Variants in NFIB observed in about 807,000 individuals in gnomAD.
The protein encoded by NFIB is nuclear factor I B, also known as nuclear factor 1 B-type.
A neutral mutation model predicts 61.5 loss-of-function variants in NFIB; 11 were observed. The observed-to-expected ratio is 0.18, with a 90% CI of 0.11 to 0.30. The LOEUF is 0.30. Ranked by LOEUF, NFIB falls within the 10% of genes least tolerant of loss-of-function variation. The pLI is 1.00. For missense variants in NFIB, 471 were observed against 608.9 expected (o/e 0.77, Z 2.38); for synonymous variants, 260 against 216.5 (o/e 1.20, Z -1.76).
intron 2 of NFIB, among the ~76,000 whole-genome samples, chr9:14,196,994 A>G (rs1400667813): frequency 1.3e-5 from 2 of 152,242 alleles, no homozygotes; most frequent in Non-Finnish European, 2.9e-5. Context: ...CATTTCATAT[A>G]CATTGGTACA....
intron 2 of NFIB, among the ~76,000 whole-genome samples, chr9:14,250,426 T>G (rs899953929): frequency 6.6e-6 from 1 of 152,178 alleles, no homozygotes; most frequent in South Asian, 2.1e-4. Context: ...AAGCCTTAGC[T>G]CAAAAGGAAG....
intron 3 of NFIB, among the ~76,000 whole-genome samples, chr9:14,165,369 C>A (rs1731676630): frequency 6.6e-6 from 1 of 152,052 alleles, no homozygotes. Flanking sequence ...ATCAAGCACA[C>A]AAGTAAATGT....
At chr9:14,347,186 A>C (rs1337853279) in intron 1 of NFIB, 3 of 152,006 alleles carry the variant, frequency 2.0e-5, no homozygotes, top group African/African-American at 7.2e-5. Flanking sequence ...AAGAGAAATA[A>C]ATTTGAACAA....
the NFIB span, among the ~76,000 whole-genome samples, chr9:14,410,780 G>A: frequency 6.6e-6 from 1 of 152,162 alleles, no homozygotes; most frequent in Non-Finnish European, 1.5e-5. Context: ...TGTGCTCTGG[G>A]GTCTACAGTG....
intron 3 of NFIB, among the ~76,000 whole-genome samples, chr9:14,160,831 C>CAAAAAAAAAAAAAAAAAAA (rs36063048): frequency 1.8e-4 from 17 of 96,288 alleles, no homozygotes; most frequent in South Asian, 4.2e-4. Flanking sequence ...AAGGAAATCT[C>CAAAAAAAAAAAAAAAAAAA]AAAAAAAAAA....
chr9:14,439,582 C>T, the NFIB span, among the ~76,000 whole-genome samples: 1 of 152,176 alleles, frequency 6.6e-6, no homozygotes, highest in Non-Finnish European at 1.5e-5. Context: ...TGGGAGTGAG[C>T]TTCCCTGAGC....
intron 1 of NFIB, among the ~76,000 whole-genome samples, chr9:14,346,288 A>ACTC (rs1455937583): frequency 1.4e-5 from 1 of 71,952 alleles, no homozygotes; most frequent in African/African-American, 3.5e-5. Context: ...GAGGTAACCG[A>ACTC]CACCCCCCCC....
chr9:14,305,944 G>A, intron 2 of NFIB: 2 of 1,315,690 alleles, frequency 1.5e-6, no homozygotes, highest in Non-Finnish European at 2.0e-6. Context: ...TAAAATGATT[G>A]TTTTACTATG....
At chr9:14,433,699 C>T in the NFIB span, among the ~76,000 whole-genome samples, 2 of 152,222 alleles carry the variant, frequency 1.3e-5, no homozygotes, top group East Asian at 1.9e-4. Flanking sequence ...ATGCCCACTA[C>T]ACTCCAGTTT....
chr9:14,479,121 G>C, the NFIB span, among the ~76,000 whole-genome samples: 4 of 152,154 alleles, frequency 2.6e-5, no homozygotes, highest in African/African-American at 9.7e-5. Context: ...AAACTAAATA[G>C]AGATCCCAGG....
intron 6 of NFIB, among the ~76,000 whole-genome samples, chr9:14,140,094 G>C (rs562692608): frequency 1.3e-5 from 2 of 152,138 alleles, no homozygotes; most frequent in African/African-American, 2.4e-5. Context: ...TCAAAACTTT[G>C]GTATTTGAAT....
chr9:14,301,098 C>T lies in NFIB; in HGVS notation c.562+5891G>A, dbSNP rs564598737. ...ATGTTTGGAAGTGCTTCTTAGGTACCACCTTAGAAAACAGTAACTTTAAAG... is the reference window on the plus strand; with the variant it reads ...ATGTTTGGAAGTGCTTCTTAGGTACTACCTTAGAAAACAGTAACTTTAAAG... On this transcript the variant is annotated intron_variant, in intron 2 of 10. Coordinates refer to ENST00000380953, the MANE Select transcript of NFIB (RefSeq NM_001190737.2). Among the ~76,000 whole-genome samples, 4 of 152,182 alleles carry T rather than the reference C, an allele frequency of 2.6e-5. No homozygotes were observed. In the East Asian group the frequency reaches 7.7e-4, roughly 29 times the overall value.
intron 1 of NFIB, among the ~76,000 whole-genome samples, chr9:14,370,910 C>T (rs981327639): frequency 3.3e-5 from 5 of 152,110 alleles, no homozygotes; most frequent in Admixed American, 6.5e-5. Context: ...GCCTGGCCAA[C>T]GTGGCGAAAC....
intron 10 of NFIB, among the ~76,000 whole-genome samples, chr9:14,105,005 AG>A (rs2036344048): frequency 6.6e-6 from 1 of 152,194 alleles, no homozygotes; most frequent in African/African-American, 2.4e-5. Context: ...ATTGTCCCAC[AG>A]ACAACTGTAG....
chr9:14,424,977 T>TC, the NFIB span, among the ~76,000 whole-genome samples: 6 of 151,606 alleles, frequency 4.0e-5, no homozygotes, highest in Admixed American at 6.6e-5. Flanking sequence ...TGTTCCAATC[T>TC]CCCCCCCTGG....
the NFIB span, among the ~76,000 whole-genome samples, chr9:14,411,089 T>C: frequency 6.6e-6 from 1 of 152,198 alleles, no homozygotes; most frequent in Admixed American, 6.5e-5. Context: ...TGTGTTTCCA[T>C]TTTGACATAG....
the NFIB span, among the ~76,000 whole-genome samples, chr9:14,513,636 A>AG: frequency 7.0e-6 from 1 of 143,682 alleles, no homozygotes; most frequent in South Asian, 2.2e-4. Context: ...TCAAAAAAAA[A>AG]AAAGAAAAAG....
At chr9:14,237,750 T>C (rs181068421) in intron 2 of NFIB, among the ~76,000 whole-genome samples, 23 of 146,174 alleles carry the variant, frequency 1.6e-4, no homozygotes, top group Non-Finnish European at 2.8e-4. Flanking sequence ...CTCCTCACCC[T>C]GCTAGGTATA....
chr9:14,182,714 G>C (rs71476214), intron 2 of NFIB, among the ~76,000 whole-genome samples: 15,661 of 49,500 alleles, frequency 0.32, 988 homozygotes, highest in Middle Eastern at 0.34. Flanking sequence ...CTCTCTGTGT[G>C]TGTGTGTGTG....
Sources: gnomAD v4.1 joint callset for allele counts (sites outside exome capture counted in the v4.1 genomes callset) on GRCh38, gnomAD v4.1.1 for gene constraint, MANE v1.5 for transcripts, NCBI Gene and HGNC (gene_info 2026-07-23, HGNC 2026-07-21) for gene names.